Variants in STK33 observed in about 807,000 individuals in gnomAD.
The protein encoded by STK33 is serine/threonine-protein kinase 33.
Under a neutral mutation model 58.0 loss-of-function variants are expected in STK33, and 52 were observed. The observed-to-expected ratio is 0.90, with a 90% CI of 0.72 to 1.13. The LOEUF (loss-of-function observed/expected upper bound fraction) is 1.13. STK33 is among the 50% of genes most tolerant of loss of function. STK33 has a pLI of 0.00. For missense variants in STK33, 630 were observed against 604.2 expected, an observed-to-expected ratio of 1.04 and a Z score of -0.45; for synonymous variants, 215 against 200.1, an observed-to-expected ratio of 1.07 and a Z score of -0.63.
chr11:8,375,613 G>A, the STK33 span, among the ~76,000 whole-genome samples: 24,237 of 152,190 alleles, frequency 0.16, 2,027 homozygotes, highest in Middle Eastern at 0.19. Context: ...CAACTTCCTT[G>A]TTTGCAAATT....
chr11:8,579,746 T>C (rs1958435114), intron 1 of STK33, among the ~76,000 whole-genome samples: 1 of 152,060 alleles, frequency 6.6e-6, no homozygotes, highest in African/African-American at 2.4e-5. Context: ...TAAAAGGCTC[T>C]TACTTATACA....
intron 11 of STK33, among the ~76,000 whole-genome samples, chr11:8,443,926 G>C (rs1454318720): frequency 6.6e-6 from 1 of 152,186 alleles, no homozygotes; most frequent in Admixed American, 6.5e-5. Flanking sequence ...AGGAACGTTT[G>C]AGCCTAGGAG....
intron 12 of STK33, among the ~76,000 whole-genome samples, chr11:8,439,585 G>A (rs1944460063): frequency 6.6e-6 from 1 of 151,736 alleles, no homozygotes; most frequent in Non-Finnish European, 1.5e-5. Flanking sequence ...GTCCACCCAG[G>A]AGAGAATCTT....
intron 1 of STK33, among the ~76,000 whole-genome samples, chr11:8,571,499 T>C (rs934504304): frequency 6.6e-6 from 1 of 152,162 alleles, no homozygotes; most frequent in Non-Finnish European, 1.5e-5. Context: ...TTATAACAAA[T>C]TGTGAATGTA....
At chr11:8,443,393 A>C (rs1169350023) in intron 11 of STK33, among the ~76,000 whole-genome samples, 4 of 152,244 alleles carry the variant, frequency 2.6e-5, no homozygotes, top group Non-Finnish European at 5.9e-5. Flanking sequence ...GAAAACCTTT[A>C]AGATGCAATC....
intron 1 of STK33, among the ~76,000 whole-genome samples, chr11:8,569,568 A>G (rs1374663846): frequency 1.3e-5 from 2 of 152,238 alleles, no homozygotes; most frequent in African/African-American, 2.4e-5. Context: ...GATTTCTTAG[A>G]AAGAACACAG....
intron 1 of STK33, among the ~76,000 whole-genome samples, chr11:8,534,534 C>T (rs1261749044): frequency 1.7e-4 from 11 of 63,870 alleles, no homozygotes; most frequent in African/African-American, 2.5e-4. Context: ...ATATATATTT[C>T]TCTCTCTCTC....
At chr11:8,432,016 G>T (rs1040104289) in intron 14 of STK33, among the ~76,000 whole-genome samples, 11 of 152,090 alleles carry the variant, frequency 7.2e-5, no homozygotes, top group African/African-American at 2.4e-4. Flanking sequence ...TTACTAAATT[G>T]TAAGTTCCTT....
intron 1 of STK33, among the ~76,000 whole-genome samples, chr11:8,511,054 C>T (rs1352895798): frequency 6.6e-6 from 1 of 152,124 alleles, no homozygotes; most frequent in Non-Finnish European, 1.5e-5. Flanking sequence ...ACGGGAATTG[C>T]ACTGAATCTG....
At chr11:8,349,413 T>C in the STK33 span, among the ~76,000 whole-genome samples, 1 of 152,196 alleles carries the variant, frequency 6.6e-6, no homozygotes, top group African/African-American at 2.4e-5. Context: ...CTGCTTCATC[T>C]CTGGCTGGCT....
downstream of STK33, among the ~76,000 whole-genome samples, chr11:8,389,378 C>A (rs1848587719): frequency 6.6e-6 from 1 of 152,208 alleles, no homozygotes; most frequent in Admixed American, 6.5e-5. Context: ...GCCAATGAAT[C>A]CAGAAGCCCA....
chr11:8,452,181 C>T (rs1251604168), intron 11 of STK33, among the ~76,000 whole-genome samples: 2 of 151,596 alleles, frequency 1.3e-5, no homozygotes, highest in African/African-American at 4.8e-5. Flanking sequence ...CCAGCTTGGG[C>T]GACAGAGCAA....
At chr11:8,594,019 GCCCCGGGCCGCCCGCCCCATC>G (rs2033040611) in intron 1 of STK33, 43 bp downstream of exon 1, 1 of 152,182 alleles carries the variant, frequency 6.6e-6, no homozygotes. Flanking sequence ...GGCCGGCTGC[GCCCCGGGCCGCCCGCCCCATC>G]CCGCGGGCCC....
At chr11:8,512,594 C>T (rs1315987588) in intron 1 of STK33, among the ~76,000 whole-genome samples, 2 of 152,128 alleles carry the variant, frequency 1.3e-5, no homozygotes, top group African/African-American at 4.8e-5. Context: ...TTATTGTAAG[C>T]TCATTTCTTA....
chr11:8,532,339 GT>G (rs1954620959), intron 1 of STK33, among the ~76,000 whole-genome samples: 1 of 152,198 alleles, frequency 6.6e-6, no homozygotes, highest in Non-Finnish European at 1.5e-5. Flanking sequence ...ATACATACAG[GT>G]TTATTCATTC....
chr11:8,383,208 GT>G, the STK33 span, among the ~76,000 whole-genome samples: 2 of 152,198 alleles, frequency 1.3e-5, no homozygotes, highest in Non-Finnish European at 2.9e-5. Flanking sequence ...CTAAGGAAGA[GT>G]CCAAGAGACA....
At chr11:8,585,975 C>A (rs1042968254) in intron 1 of STK33, among the ~76,000 whole-genome samples, 3 of 152,072 alleles carry the variant, frequency 2.0e-5, no homozygotes, top group Non-Finnish European at 4.4e-5. Flanking sequence ...ATCGCTTGAA[C>A]CTGGGAGGTG....
chr11:8,398,540 G>A (rs995648439), intron 15 of STK33, among the ~76,000 whole-genome samples: 2 of 152,194 alleles, frequency 1.3e-5, no homozygotes, highest in African/African-American at 4.8e-5. Flanking sequence ...AGGCTAGGAA[G>A]AAACTGCATC....
intron 15 of STK33, among the ~76,000 whole-genome samples, chr11:8,405,237 G>A (rs939237826): frequency 2.0e-5 from 3 of 152,206 alleles, no homozygotes; most frequent in African/African-American, 4.8e-5. Flanking sequence ...TCATATCCTT[G>A]CCAATATCTG....
Sources: allele counts gnomAD v4.1 joint callset (sites outside exome capture counted in the v4.1 genomes callset), GRCh38; gene constraint gnomAD v4.1.1; transcripts MANE v1.5; gene names NCBI Gene and HGNC (gene_info 2026-07-23, HGNC 2026-07-21).